The following TLE4 variants were observed in gnomAD, a reference collection of about 807,000 sequenced individuals.
The protein encoded by TLE4 is TLE family member 4, transcriptional corepressor.
Under a neutral mutation model 92.8 loss-of-function variants are expected in TLE4, and 8 were observed. The observed-to-expected ratio is 0.09, with a 90% CI of 0.05 to 0.16. The LOEUF is 0.16. Among genes scored for constraint, TLE4 ranks in the 10% least tolerant of loss-of-function variants. The pLI is 1.00. For synonymous variants in TLE4, 371 were observed against 374.1 expected, an observed-to-expected ratio of 0.99 and a Z score of 0.10; for missense variants, 675 against 997.6, an observed-to-expected ratio of 0.68 and a Z score of 4.36.
At chr9:79,592,932 T>G (rs2043063881) in intron 4 of TLE4, among the ~76,000 whole-genome samples, 1 of 152,238 alleles carries the variant, frequency 6.6e-6, no homozygotes, top group Non-Finnish European at 1.5e-5. Flanking sequence ...GTTCATTATG[T>G]CCCTGATGAG....
At chr9:79,622,832 A>G (rs1220192121) in intron 5 of TLE4, among the ~76,000 whole-genome samples, 1 of 152,188 alleles carries the variant, frequency 6.6e-6, no homozygotes, top group Non-Finnish European at 1.5e-5. Flanking sequence ...TTTCTGTTTT[A>G]TATCCTGTAT....
intron 2 of TLE4, among the ~76,000 whole-genome samples, chr9:79,574,490 A>C (rs888233456): frequency 6.6e-6 from 1 of 152,208 alleles, no homozygotes. Flanking sequence ...AACATTAAAG[A>C]AATTCCCTTG....
At chr9:79,671,396 C>G (rs2062325138) in intron 8 of TLE4, 1 of 374,020 alleles carries the variant, frequency 2.7e-6, no homozygotes, top group Admixed American at 3.0e-5. Context: ...GGACTGTGAT[C>G]TCACAGTTTA....
At chr9:79,666,205 T>G (rs1456930023) in intron 8 of TLE4, among the ~76,000 whole-genome samples, 118 of 49,690 alleles carry the variant, frequency 2.4e-3, no homozygotes, top group African/African-American at 4.6e-3. Flanking sequence ...GTGGGTGGGG[T>G]TTTTTTTTTT....
intron 14 of TLE4, 98 bp from the exon 15 acceptor site, chr9:79,718,624 G>A: frequency 7.0e-7 from 1 of 1,430,502 alleles, no homozygotes; most frequent in Non-Finnish European, 9.3e-7. Context: ...AATCACAAGT[G>A]GCACTGAAGG....
At chr9:79,597,436 GTAA>G (rs1041630703) in intron 4 of TLE4, among the ~76,000 whole-genome samples, 76 of 152,038 alleles carry the variant, frequency 5.0e-4, no homozygotes, top group African/African-American at 1.4e-3. Context: ...TTTTATTTAG[GTAA>G]TTTTATTCAC....
At chr9:79,599,405 T>G (rs2044985434) in intron 4 of TLE4, among the ~76,000 whole-genome samples, 1 of 152,174 alleles carries the variant, frequency 6.6e-6, no homozygotes, top group East Asian at 1.9e-4. Flanking sequence ...AGATTGTGAG[T>G]TAATTCGTCT....
chr9:79,704,858 A>G lies in TLE4; in HGVS notation c.685A>G (p.Ser229Gly), dbSNP rs1217569389. The G allele has an allele frequency of 6.2e-7, 1 of 1,614,064 alleles. No homozygotes were observed. Among genetic ancestry groups the G allele is most frequent in the African/African-American group, 1.3e-5 (1 of 74,924 alleles). ...HRNSADYSSE[S>G]KKQKTEEKEI... ...AAACTCCGCAGACTACTCCTCAGAGAGCAAAAAGCAGAAAACTGAAGAAAA... is the reference window on the plus strand; with the variant it reads ...AAACTCCGCAGACTACTCCTCAGAGGGCAAAAAGCAGAAAACTGAAGAAAA... The change falls in exon 9 of 20, where the codon AGC (serine) becomes GGC (glycine). Residue 229 changes from serine (S) to glycine (G), a missense_variant. Physicochemically the swap from Ser to Gly is moderately conservative, Grantham distance 56. This residue lies in a region of TLE4 where 280 missense variants were observed against 287.3 expected (regional missense o/e 0.97). Coordinates refer to ENST00000376552, the MANE Select transcript of TLE4 (RefSeq NM_007005.6).
intron 8 of TLE4, among the ~76,000 whole-genome samples, chr9:79,683,929 A>G (rs1242391970): frequency 6.6e-6 from 1 of 152,208 alleles, no homozygotes; most frequent in Non-Finnish European, 1.5e-5. Context: ...ACTTATGACG[A>G]CAGTTTATCA....
chr9:79,666,945 A>G (rs946536384), intron 8 of TLE4, among the ~76,000 whole-genome samples: 1 of 152,254 alleles, frequency 6.6e-6, no homozygotes, highest in Non-Finnish European at 1.5e-5. Context: ...ATAAATAAAT[A>G]CACCTTAGTG....
At chr9:79,607,044 C>T (rs975095552) in intron 4 of TLE4, among the ~76,000 whole-genome samples, 1 of 152,086 alleles carries the variant, frequency 6.6e-6, no homozygotes, top group Non-Finnish European at 1.5e-5. Flanking sequence ...CTGTTGTTTC[C>T]TGACTTTTTA....
At chr9:79,623,405 T>C (rs1223788714) in intron 5 of TLE4, among the ~76,000 whole-genome samples, 3 of 152,146 alleles carry the variant, frequency 2.0e-5, no homozygotes, top group Non-Finnish European at 4.4e-5. Flanking sequence ...TTTGGACTTA[T>C]GAGCTGGTAT....
chr9:79,605,794 G>A (rs1266956337), intron 4 of TLE4, among the ~76,000 whole-genome samples: 2 of 152,064 alleles, frequency 1.3e-5, no homozygotes, highest in Non-Finnish European at 2.9e-5. Flanking sequence ...TAACTGAGCC[G>A]CACATTGGGT....
intron 4 of TLE4, among the ~76,000 whole-genome samples, chr9:79,593,929 T>A (rs1363629904): frequency 6.6e-6 from 1 of 152,238 alleles, no homozygotes; most frequent in Non-Finnish European, 1.5e-5. Context: ...TTTTTAAAAA[T>A]CTAGTCCTAA....
At chr9:79,579,814 C>T (rs1469574107) in intron 4 of TLE4, among the ~76,000 whole-genome samples, 1 of 152,110 alleles carries the variant, frequency 6.6e-6, no homozygotes, top group African/African-American at 2.4e-5. Flanking sequence ...ATGAAAGGGC[C>T]TTGCCAACTG....
intron 4 of TLE4, among the ~76,000 whole-genome samples, chr9:79,589,298 A>G (rs1338792951): frequency 2.0e-5 from 3 of 152,166 alleles, no homozygotes; most frequent in Non-Finnish European, 4.4e-5. Flanking sequence ...AATCCTTTAA[A>G]CGTACTTAAC....
intron 4 of TLE4, among the ~76,000 whole-genome samples, chr9:79,589,008 A>G (rs764554761): frequency 2.0e-5 from 3 of 152,136 alleles, no homozygotes; most frequent in Non-Finnish European, 2.9e-5. Context: ...TGGGGTTGTC[A>G]CAACTTGGAG....
intron 4 of TLE4, chr9:79,601,549 T>G: frequency 2.2e-6 from 1 of 447,914 alleles, no homozygotes; most frequent in South Asian, 1.6e-5. Flanking sequence ...ATTATTACTT[T>G]ATCTGTTACA....
intron 6 of TLE4, among the ~76,000 whole-genome samples, chr9:79,641,047 A>G (rs572504721): frequency 6.7e-4 from 102 of 151,972 alleles, no homozygotes; most frequent in African/African-American, 2.2e-3. Flanking sequence ...ATTCTTGTGG[A>G]AAAGAATTGG....
Sources: allele counts gnomAD v4.1 joint callset (sites outside exome capture counted in the v4.1 genomes callset), GRCh38; gene constraint gnomAD v4.1.1; regional missense constraint gnomAD v4.1.1; transcripts MANE v1.5; gene names NCBI Gene and HGNC (gene_info 2026-07-23, HGNC 2026-07-21).